The following FGGY variants were observed in gnomAD, a reference collection of about 807,000 sequenced individuals.
FGGY encodes the protein FGGY carbohydrate kinase domain containing.
FGGY carries 72 observed loss-of-function variants against 71.3 expected under a neutral mutation model. The observed-to-expected ratio is 1.01, with a 90% confidence interval of 0.84 to 1.23. The LOEUF (loss-of-function observed/expected upper bound fraction) is 1.23, where lower values mean the gene tolerates loss of function less well. FGGY is among the 50% of genes most tolerant of loss of function. The probability of loss-of-function intolerance (pLI) is 0.00; values close to 1 mark genes in which losing one functional copy is unlikely to be tolerated. For synonymous variants in FGGY, 251 were observed against 250.3 expected (o/e 1.00, Z -0.02); for missense variants, 668 against 682.3 (o/e 0.98, Z 0.23).
At chr1:59,390,240 A>T (rs1345412605) in intron 5 of FGGY, among the ~76,000 whole-genome samples, 1 of 152,170 alleles carries the variant, frequency 6.6e-6, no homozygotes, top group Non-Finnish European at 1.5e-5. Flanking sequence ...TTCACTAATG[A>T]TAGTAGAAAT....
At chr1:59,639,824 C>G (rs758931445) in intron 11 of FGGY, among the ~76,000 whole-genome samples, 13 of 152,108 alleles carry the variant, frequency 8.5e-5, no homozygotes, top group Non-Finnish European at 1.9e-4. Flanking sequence ...TCTGTCATAC[C>G]CAAATTCAGT....
At chr1:59,626,216 T>A in intron 10 of FGGY, 167 bp downstream of exon 10, 1 of 547,768 alleles carries the variant, frequency 1.8e-6, no homozygotes, top group Non-Finnish European at 3.3e-6. Flanking sequence ...ATTAATTCTT[T>A]AAATGAGGTA....
intron 6 of FGGY, among the ~76,000 whole-genome samples, chr1:59,504,908 T>G (rs758556054): frequency 1.3e-5 from 2 of 152,228 alleles, no homozygotes; most frequent in Non-Finnish European, 2.9e-5. Flanking sequence ...AAATGAACAT[T>G]GCTGAGAACT....
At chr1:59,518,110 G>A (rs1269133821) in intron 7 of FGGY, among the ~76,000 whole-genome samples, 2 of 152,190 alleles carry the variant, frequency 1.3e-5, no homozygotes, top group African/African-American at 2.4e-5. Flanking sequence ...TATTGAATTG[G>A]TTTAAACTGC....
At chr1:59,584,472 C>T (rs990257427) in intron 8 of FGGY, among the ~76,000 whole-genome samples, 4 of 149,878 alleles carry the variant, frequency 2.7e-5, no homozygotes, top group African/African-American at 5.0e-5. Context: ...TTCAACAACG[C>T]TTCATGCTAA....
At chr1:59,391,330 G>C (rs1444399881) in intron 5 of FGGY, among the ~76,000 whole-genome samples, 1 of 152,168 alleles carries the variant, frequency 6.6e-6, no homozygotes, top group Non-Finnish European at 1.5e-5. Flanking sequence ...AGCATGCTGG[G>C]TCAGTCGGGC....
At chr1:59,410,725 G>A (rs2063488517) in intron 5 of FGGY, among the ~76,000 whole-genome samples, 1 of 152,122 alleles carries the variant, frequency 6.6e-6, no homozygotes, top group South Asian at 2.1e-4. Context: ...TGAGGCTCGG[G>A]CAGGTAATTG....
chr1:59,606,310 C>T (rs2096622924), intron 8 of FGGY, among the ~76,000 whole-genome samples: 1 of 152,118 alleles, frequency 6.6e-6, no homozygotes, highest in Admixed American at 6.6e-5. Context: ...GTCCCTTTCT[C>T]TAAGAAGCCA....
intron 2 of FGGY, among the ~76,000 whole-genome samples, chr1:59,327,051 A>G (rs2047570275): frequency 6.6e-6 from 1 of 152,210 alleles, no homozygotes; most frequent in South Asian, 2.1e-4. Flanking sequence ...TTTTACCTTG[A>G]TGTTGATAGC....
Position 59,696,735 on chromosome 1 carries a change from G to A in FGGY, c.1512+22602G>A, listed in dbSNP as rs1302057969. 4.6e-5 allele frequency among the ~76,000 whole-genome samples: 7 copies of A among 152,192 alleles called. No individual in the cohort carries two copies. The South Asian group carries it at 8.3e-4, about 18-fold the overall frequency. ...GTATTTCTGAAATGACGAGTGGCTCGCAAAAAGGATCTGATGAGTGTTAAT... is the reference window on the plus strand; with the variant it reads ...GTATTTCTGAAATGACGAGTGGCTCACAAAAAGGATCTGATGAGTGTTAAT... On this transcript the variant is annotated intron_variant, in intron 14 of 15. Transcript: ENST00000303721.
intron 1 of FGGY, among the ~76,000 whole-genome samples, chr1:59,301,253 A>G (rs1348280604): frequency 2.0e-5 from 3 of 152,126 alleles, no homozygotes; most frequent in Non-Finnish European, 4.4e-5. Context: ...AATTTTATGT[A>G]TTTTAAAAAT....
intron 14 of FGGY, among the ~76,000 whole-genome samples, chr1:59,733,019 G>A (rs1445983313): frequency 6.6e-6 from 1 of 151,978 alleles, no homozygotes. Flanking sequence ...GAGCCAGATT[G>A]CCTGAGTTTA....
chr1:59,388,494 A>G (rs12140083), intron 5 of FGGY, among the ~76,000 whole-genome samples: 3 of 152,126 alleles, frequency 2.0e-5, no homozygotes, highest in Non-Finnish European at 4.4e-5. Flanking sequence ...CATTCTCCCC[A>G]GAGAGCAGAG....
chr1:59,370,183 G>A (rs1461483197), intron 4 of FGGY, among the ~76,000 whole-genome samples: 1 of 152,132 alleles, frequency 6.6e-6, no homozygotes, highest in African/African-American at 2.4e-5. Flanking sequence ...CTAGATGAAT[G>A]TATAACTAGA....
intron 14 of FGGY, among the ~76,000 whole-genome samples, chr1:59,707,599 A>G (rs887630110): frequency 2.0e-5 from 3 of 152,240 alleles, no homozygotes; most frequent in Admixed American, 6.5e-5. Flanking sequence ...AGCCATAAAT[A>G]GTTCTCCACA....
At position 59,692,634 on chromosome 1, in the gene FGGY, C is replaced by CA. The variant is rs60192053; in HGVS notation, c.1512+18517dup. 5.6e-3 allele frequency among the ~76,000 whole-genome samples: 513 copies of CA among 90,950 alleles called. 7 individuals carry two copies. Among genetic ancestry groups the CA allele is most frequent in the South Asian group, 0.048 (149 of 3,116 alleles). The allele number at this position is 90,950 out of a possible 152,430, so 59.7% of individuals were successfully genotyped here. A position where few individuals can be genotyped will look rare whatever the true frequency, so the allele number is the denominator to read the frequency against. On this transcript the variant is annotated intron_variant, in intron 14 of 15. Coordinates refer to ENST00000303721, the MANE Select transcript of FGGY (RefSeq NM_018291.5). ...TGGTCCACTATGTTAGATGAGAGGA[C>CA]AAAAAAAAAAAAAAAAGTTGGGGGA...
intron 5 of FGGY, among the ~76,000 whole-genome samples, chr1:59,431,667 C>G (rs980647732): frequency 3.9e-5 from 6 of 152,204 alleles, no homozygotes; most frequent in Non-Finnish European, 1.5e-5. Context: ...CAGCTTCCTT[C>G]AAGGCAGCAA....
Position 59,370,404 on chromosome 1 carries a change from T to C in FGGY, c.466-8345T>C, listed in dbSNP as rs568364126. Among the ~76,000 whole-genome samples the C allele has an allele frequency of 2.9e-3, 439 of 152,272 alleles. 4 individuals are homozygous for C. Among genetic ancestry groups the C allele is most frequent in the African/African-American group, 9.6e-3 (399 of 41,536 alleles). ...AAAGCCTCCAAGAAATATGGGACTA[T>C]GTGGAAAGACCAAATCTACGTCTGA... On this transcript the variant is annotated intron_variant, in intron 4 of 15. Transcript: ENST00000303721.
intron 14 of FGGY, among the ~76,000 whole-genome samples, chr1:59,739,727 A>C (rs1275174763): frequency 1.3e-5 from 2 of 152,070 alleles, no homozygotes; most frequent in African/African-American, 4.8e-5. Context: ...CTACATGGTC[A>C]ATCTCCACGT....
Sources: gnomAD v4.1 joint callset for allele counts (sites outside exome capture counted in the v4.1 genomes callset) on GRCh38, gnomAD v4.1.1 for gene constraint, MANE v1.5 for transcripts, NCBI Gene and HGNC (gene_info 2026-07-23, HGNC 2026-07-21) for gene names.